The following SAMD5 variants were observed in gnomAD, a reference collection of about 807,000 sequenced individuals.
The protein encoded by SAMD5 is sterile alpha motif domain-containing protein 5.
Under a neutral mutation model 11.3 loss-of-function variants are expected in SAMD5, and 13 were observed. The ratio of observed to expected loss-of-function variants is 1.15; its 90% CI spans 0.75 to 1.83. The LOEUF is 1.83. SAMD5 is among the 40% of genes most tolerant of loss of function. The pLI is 0.00. For synonymous variants in SAMD5, 129 were observed against 111.3 expected (o/e 1.16, Z -1.00); for missense variants, 255 against 239.1 (o/e 1.07, Z -0.44).
At chr6:147,733,161 C>T (rs2328828) in intron 1 of SAMD5, among the ~76,000 whole-genome samples, 80,746 of 152,038 alleles carry the variant, frequency 0.53, 22,330 homozygotes, top group Middle Eastern at 0.65. Flanking sequence ...AATACCTGAG[C>T]AAGTTTACCT....
At chr6:147,547,616 T>C (rs1433243090) in intron 1 of SAMD5, among the ~76,000 whole-genome samples, 3 of 152,212 alleles carry the variant, frequency 2.0e-5, no homozygotes, top group Non-Finnish European at 2.9e-5. Context: ...CACTATGACT[T>C]TAAAGGGCTC....
chr6:147,849,903 C>T, the SAMD5 span, among the ~76,000 whole-genome samples: 1 of 152,184 alleles, frequency 6.6e-6, no homozygotes, highest in Admixed American at 6.5e-5. Context: ...TAGTTGGATT[C>T]TGGCACACAG....
Position 147,566,261 on chromosome 6 carries a change from G to A in SAMD5, c.*1805G>A. The stretch of plus-strand genomic sequence containing the variant: ...TATACAAAAGCTTTTAGTTTCATCA[G>A]GATTATATTCCAGTTAACCTTTCAT... On this transcript the variant is annotated 3_prime_UTR_variant, in exon 2 of 2. Coordinates refer to ENST00000367474, the MANE Select transcript of SAMD5 (RefSeq NM_001030060.3). 4 of 979,260 alleles carry A rather than the reference G, an allele frequency of 4.1e-6. No individual in the cohort carries two copies. Among genetic ancestry groups the A allele is most frequent in the Admixed American group, 6.2e-5 (1 of 16,238 alleles). 60.7% of individuals were successfully genotyped at this position (979,260 alleles called of 1,614,324 possible). A position where few individuals can be genotyped will look rare whatever the true frequency, so the allele number is the denominator to read the frequency against.
chr6:147,783,716 A>G, the SAMD5 span, among the ~76,000 whole-genome samples: 20 of 152,174 alleles, frequency 1.3e-4, no homozygotes, highest in East Asian at 3.1e-3. Context: ...ACGTTTTTAT[A>G]ATATTTCTCC....
At chr6:147,634,439 C>T (rs916545617) in intron 1 of SAMD5, among the ~76,000 whole-genome samples, 3 of 152,148 alleles carry the variant, frequency 2.0e-5, no homozygotes, top group African/African-American at 7.2e-5. Context: ...AATTATCTCC[C>T]ATCAGGCCCC....
At chr6:147,706,568 T>C (rs529613911) in intron 1 of SAMD5, among the ~76,000 whole-genome samples, 1 of 152,354 alleles carries the variant, frequency 6.6e-6, no homozygotes, top group East Asian at 1.9e-4. Context: ...AACAGTATAG[T>C]TGACTTTTGT....
the SAMD5 span, among the ~76,000 whole-genome samples, chr6:147,767,352 GC>G: frequency 6.7e-6 from 1 of 150,134 alleles, no homozygotes; most frequent in African/African-American, 2.5e-5. Flanking sequence ...GAGCTGGATG[GC>G]CCCCCAGAGT....
the SAMD5 span, among the ~76,000 whole-genome samples, chr6:147,795,870 A>G: frequency 6.6e-6 from 1 of 152,136 alleles, no homozygotes; most frequent in Non-Finnish European, 1.5e-5. Flanking sequence ...TGTTCTTTTG[A>G]GAAGTGTCTG....
intron 1 of SAMD5, among the ~76,000 whole-genome samples, chr6:147,577,917 T>C (rs1789242108): frequency 6.6e-6 from 1 of 152,074 alleles, no homozygotes; most frequent in Admixed American, 6.6e-5. Context: ...AAACCAATAA[T>C]TGGAAAAGAA....
In SAMD5 at chr6:147,569,433, A is replaced by G; in HGVS notation, c.*4977A>G. 1 of 955,384 alleles carries G rather than the reference A, an allele frequency of 1.0e-6. No individual in the cohort carries two copies. The allele number at this position is 955,384 out of a possible 1,614,324, so 59.2% of individuals were successfully genotyped here. On this transcript the variant is annotated 3_prime_UTR_variant, in exon 2 of 2. Transcript: ENST00000367474. ...TTTTTTTCTTAACAATTTTGCCAAA[A>G]TTTCTTCTACTGGACCAAAAGGAAA...
intron 1 of SAMD5, among the ~76,000 whole-genome samples, chr6:147,728,128 A>G (rs1051748351): frequency 4.7e-5 from 7 of 147,984 alleles, no homozygotes; most frequent in Non-Finnish European, 1.0e-4. Flanking sequence ...TAACATCACA[A>G]AAACAGAGAT....
the SAMD5 span, among the ~76,000 whole-genome samples, chr6:147,920,353 C>G: frequency 2.0e-5 from 3 of 152,314 alleles, no homozygotes; most frequent in Admixed American, 6.5e-5. Context: ...CTTTTGGACT[C>G]TTGGACTTAC....
intron 1 of SAMD5, among the ~76,000 whole-genome samples, chr6:147,676,852 C>T (rs1293825717): frequency 7.1e-6 from 1 of 140,182 alleles, no homozygotes; most frequent in Non-Finnish European, 1.5e-5. Flanking sequence ...GGTAGGGGAG[C>T]TAGAAGATCA....
intron 1 of SAMD5, among the ~76,000 whole-genome samples, chr6:147,608,744 A>G (rs977222091): frequency 2.0e-5 from 3 of 152,312 alleles, no homozygotes; most frequent in African/African-American, 7.2e-5. Flanking sequence ...AGCACAATCA[A>G]CTTATGATAG....
chr6:147,614,743 T>C (rs901239619), intron 1 of SAMD5, among the ~76,000 whole-genome samples: 1 of 151,968 alleles, frequency 6.6e-6, no homozygotes, highest in Non-Finnish European at 1.5e-5. Flanking sequence ...GTCAGTTTGC[T>C]ATGAATAGTG....
In SAMD5 at chr6:147,714,767, G is replaced by A. The variant is rs193197078; in HGVS notation, c.163-22550G>A. On this transcript the variant is annotated intron_variant, in intron 1 of 1. Transcript: ENST00000566741. The stretch of plus-strand genomic sequence containing the variant: ...TACAGATTCCTGGACTCTATTCTTG[G>A]ACACTGAGTAGGAATGCCAAAAAAA... Among the ~76,000 whole-genome samples, 895 of 152,160 alleles carry A rather than the reference G, an allele frequency of 5.9e-3. 11 individuals are homozygous for A. Among genetic ancestry groups the A allele is most frequent in the Middle Eastern group, 0.01 (3 of 294 alleles).
At position 147,508,958 on chromosome 6, in the gene SAMD5, C is replaced by T. The variant is rs2128438532; in HGVS notation, c.30C>T (p.Leu10=). 6 of 1,601,528 alleles carry T rather than the reference C, an allele frequency of 3.7e-6. No individual in the cohort carries two copies. Among genetic ancestry groups the T allele is most frequent in the South Asian group, 1.1e-5 (1 of 89,124 alleles). ...GCACCAACATAGTTTACGAGTGGCTCAAAGCGCTGCAGCTTCCGCAGTACG... is the reference window on the plus strand; with the variant it reads ...GCACCAACATAGTTTACGAGTGGCTTAAAGCGCTGCAGCTTCCGCAGTACG... MCTNIVYEW[L]KALQLPQYAE... The change falls in exon 1 of 2, where the codon CTC becomes CTT. Residue 10 remains leucine, a synonymous_variant. Coordinates refer to ENST00000367474, the MANE Select transcript of SAMD5 (RefSeq NM_001030060.3).
intron 1 of SAMD5, among the ~76,000 whole-genome samples, chr6:147,710,592 A>C (rs1169916315): frequency 6.6e-6 from 1 of 152,168 alleles, no homozygotes; most frequent in East Asian, 1.9e-4. Context: ...CTGGTGCCCA[A>C]AGAACCCTTA....
chr6:147,850,860 G>T, the SAMD5 span, among the ~76,000 whole-genome samples: 1 of 151,808 alleles, frequency 6.6e-6, no homozygotes, highest in Non-Finnish European at 1.5e-5. Flanking sequence ...TGGCAGTATC[G>T]CTGTGCTTGT....
Sources: gnomAD v4.1 joint callset for allele counts (sites outside exome capture counted in the v4.1 genomes callset) on GRCh38, gnomAD v4.1.1 for gene constraint, MANE v1.5 for transcripts, NCBI Gene and HGNC (gene_info 2026-07-23, HGNC 2026-07-21) for gene names.